Variants in ARL15 observed in about 807,000 individuals in gnomAD.
ARL15 encodes the protein ARF like GTPase 15, also known as ADP-ribosylation factor-like protein 15.
In ARL15, 19 loss-of-function variants were observed where a neutral mutation model predicts 25.2. The observed-to-expected ratio is 0.75, with a 90% CI of 0.53 to 1.10. The LOEUF (loss-of-function observed/expected upper bound fraction) is 1.10. ARL15 is among the 50% of genes least tolerant of loss of function. The probability of loss-of-function intolerance (pLI) is 0.00; values close to 1 mark genes in which losing one functional copy is unlikely to be tolerated. For missense variants in ARL15, 220 were observed against 246.0 expected, an observed-to-expected ratio of 0.89 and a Z score of 0.71; for synonymous variants, 94 against 86.8, an observed-to-expected ratio of 1.08 and a Z score of -0.46.
intron 4 of ARL15, among the ~76,000 whole-genome samples, chr5:53,950,684 T>TC (rs1270076858): frequency 2.0e-5 from 3 of 152,180 alleles, no homozygotes; most frequent in African/African-American, 7.2e-5. Context: ...CTTTTTTTTT[T>TC]CTCAGCAAAG....
In ARL15 at chr5:54,118,137, T is replaced by C. The variant is rs182282758; in HGVS notation, c.254-4727A>G. ...GTACAAAAAGTTCCCTGATAAGTTT[T>C]CCAGATTCCACACTACAACTGATTA... On this transcript the variant is annotated intron_variant, in intron 3 of 4. Transcript: ENST00000504924. Among the ~76,000 whole-genome samples the C allele has an allele frequency of 1.6e-3, 249 of 152,290 alleles. 2 individuals are homozygous for C. Among genetic ancestry groups the C allele is most frequent in the Admixed American group, 8.1e-3 (124 of 15,290 alleles).
At chr5:53,968,683 G>A (rs75684683) in intron 4 of ARL15, among the ~76,000 whole-genome samples, 1 of 151,890 alleles carries the variant, frequency 6.6e-6, no homozygotes, top group African/African-American at 2.4e-5. Context: ...CATTCATTTT[G>A]TATTTTTAGT....
chr5:54,072,023 A>G (rs1336971685), intron 4 of ARL15, among the ~76,000 whole-genome samples: 3 of 152,010 alleles, frequency 2.0e-5, no homozygotes, highest in East Asian at 3.9e-4. Flanking sequence ...AGAGCTACAC[A>G]TTGACTATAA....
chr5:54,014,632 T>C (rs1402257625), intron 4 of ARL15, among the ~76,000 whole-genome samples: 1 of 152,082 alleles, frequency 6.6e-6, no homozygotes, highest in East Asian at 1.9e-4. Context: ...GCTATTCTCC[T>C]GTCTCAGCCT....
intron 4 of ARL15, among the ~76,000 whole-genome samples, chr5:53,961,608 A>T: frequency 6.6e-6 from 1 of 152,214 alleles, no homozygotes; most frequent in African/African-American, 2.4e-5. Context: ...GCTGTACCTA[A>T]TCCCATCATC....
chr5:53,920,899 A>G (rs1328029825), intron 4 of ARL15, among the ~76,000 whole-genome samples: 1 of 152,026 alleles, frequency 6.6e-6, no homozygotes. Flanking sequence ...CTCAAACTAA[A>G]CTTTTGTGAT....
At position 54,112,369 on chromosome 5, in the gene ARL15, T is replaced by C. The variant is rs143400645; in HGVS notation, c.462+833A>G. Among the ~76,000 whole-genome samples the C allele has an allele frequency of 3.6e-3, 542 of 152,288 alleles. 4 individuals carry two copies. Among genetic ancestry groups the C allele is most frequent in the African/African-American group, 0.012 (505 of 41,556 alleles). ...TTATGTCCTTGGCTCCTCATTTATT[T>C]TTCAGGCTGAAAGGCAAGATTGTTC... On this transcript the variant is annotated intron_variant, in intron 4 of 4. Coordinates refer to ENST00000504924, the MANE Select transcript of ARL15 (RefSeq NM_019087.3).
At chr5:54,061,470 C>G (rs1190386941) in intron 4 of ARL15, among the ~76,000 whole-genome samples, 5 of 152,012 alleles carry the variant, frequency 3.3e-5, no homozygotes, top group Non-Finnish European at 5.9e-5. Context: ...ACTACCTGGG[C>G]ATGGTGGTGT....
chr5:54,072,016 G>C (rs2112076463), intron 4 of ARL15, among the ~76,000 whole-genome samples: 1 of 149,912 alleles, frequency 6.7e-6, no homozygotes, highest in Admixed American at 6.6e-5. Flanking sequence ...GAAAATAAGA[G>C]CTACACATTG....
intron 4 of ARL15, among the ~76,000 whole-genome samples, chr5:54,042,608 G>T (rs1308074564): frequency 6.6e-6 from 1 of 152,136 alleles, no homozygotes. Flanking sequence ...TTTCTACTCT[G>T]ACTGACCTTA....
chr5:54,303,256 T>C (rs1226398678), intron 1 of ARL15, among the ~76,000 whole-genome samples: 1 of 152,132 alleles, frequency 6.6e-6, no homozygotes, highest in African/African-American at 2.4e-5. Flanking sequence ...GCACAGTGGC[T>C]CACGCCTGTG....
chr5:54,195,861 T>C (rs190823646), intron 1 of ARL15, among the ~76,000 whole-genome samples: 5 of 152,214 alleles, frequency 3.3e-5, no homozygotes, highest in Admixed American at 2.6e-4. Flanking sequence ...AATAGGTGAT[T>C]TGGCAAAGGT....
chr5:54,150,066 T>C (rs1754024883), intron 3 of ARL15, among the ~76,000 whole-genome samples: 1 of 152,196 alleles, frequency 6.6e-6, no homozygotes, highest in African/African-American at 2.4e-5. Flanking sequence ...TAGTTGACTT[T>C]AAGAAGTCAA....
intron 4 of ARL15, among the ~76,000 whole-genome samples, chr5:53,904,568 T>G (rs1385675179): frequency 3.3e-5 from 5 of 152,110 alleles, no homozygotes; most frequent in African/African-American, 7.2e-5. Flanking sequence ...ATAGTTCCAT[T>G]TTAAAGAAAC....
At chr5:54,292,684 C>T (rs1758364187) in intron 1 of ARL15, among the ~76,000 whole-genome samples, 1 of 152,106 alleles carries the variant, frequency 6.6e-6, no homozygotes, top group Non-Finnish European at 1.5e-5. Context: ...CCTTATCTTA[C>T]AAGTCACAAG....
At chr5:53,962,845 T>G (rs1747415975) in intron 4 of ARL15, among the ~76,000 whole-genome samples, 1 of 152,314 alleles carries the variant, frequency 6.6e-6, no homozygotes, top group South Asian at 2.1e-4. Context: ...AAAAGAGTTA[T>G]CAAAATAAGG....
intron 3 of ARL15, 133 bp downstream of exon 3, chr5:54,154,447 G>T: frequency 3.3e-6 from 2 of 612,448 alleles, no homozygotes; most frequent in Non-Finnish European, 2.8e-6. Flanking sequence ...ATATTTCTAG[G>T]AAATATATTA....
chr5:53,901,260 T>C (rs1745056920), intron 4 of ARL15, among the ~76,000 whole-genome samples: 1 of 152,230 alleles, frequency 6.6e-6, no homozygotes, highest in Non-Finnish European at 1.5e-5. Context: ...TACTTGATTT[T>C]TTATCTTCTG....
intron 4 of ARL15, among the ~76,000 whole-genome samples, chr5:54,012,139 G>A (rs986716740): frequency 6.6e-6 from 1 of 152,168 alleles, no homozygotes; most frequent in Non-Finnish European, 1.5e-5. Flanking sequence ...CTGTTTATAT[G>A]TGTTCTTAAA....
Sources: gnomAD v4.1 joint callset for allele counts (sites outside exome capture counted in the v4.1 genomes callset) on GRCh38, gnomAD v4.1.1 for gene constraint, MANE v1.5 for transcripts, NCBI Gene and HGNC (gene_info 2026-07-23, HGNC 2026-07-21) for gene names.